The following ALDH1A2 variants were observed in gnomAD, a reference collection of about 807,000 sequenced individuals.
ALDH1A2 encodes the protein retinal dehydrogenase 2.
ALDH1A2 carries 27 observed loss-of-function variants against 60.3 expected under a neutral mutation model. The ratio of observed to expected loss-of-function variants is 0.45; its 90% CI spans 0.33 to 0.62. ALDH1A2 has a LOEUF of 0.62. ALDH1A2 is among the 20% of genes least tolerant of loss of function. ALDH1A2 has a pLI of 0.02. For missense variants in ALDH1A2, 581 were observed against 643.8 expected (o/e 0.90, Z 1.06); for synonymous variants, 289 against 232.4 (o/e 1.24, Z -2.21).
chr15:57,999,962 AC>A (rs1180999411), intron 4 of ALDH1A2, among the ~76,000 whole-genome samples: 3 of 152,048 alleles, frequency 2.0e-5, no homozygotes, highest in African/African-American at 7.2e-5. Flanking sequence ...TAACACAGGA[AC>A]AGAAAACCGA....
intron 1 of ALDH1A2, among the ~76,000 whole-genome samples, chr15:58,019,524 G>C (rs1895868642): frequency 6.6e-6 from 1 of 152,158 alleles, no homozygotes; most frequent in Non-Finnish European, 1.5e-5. Flanking sequence ...TCTTCATTTG[G>C]AAAATATAGA....
Position 57,980,972 on chromosome 15 carries a change from G to T in ALDH1A2, c.798+11733C>A, listed in dbSNP as rs533217160. ...TATTGCCTCAATTTCAGAGCCTATT[G>T]TTGGTCTGTTCAGGGATTCAACTTC... is the stretch of plus-strand genomic sequence containing the variant. On this transcript the variant is annotated intron_variant, in intron 7 of 12. Coordinates refer to ENST00000249750, the MANE Select transcript of ALDH1A2 (RefSeq NM_003888.4). Among the ~76,000 whole-genome samples, 22 of 152,230 alleles carry T rather than the reference G, an allele frequency of 1.4e-4. No homozygotes were observed. The South Asian group carries it at 4.6e-3, about 32-fold the overall frequency.
intron 4 of ALDH1A2, among the ~76,000 whole-genome samples, chr15:58,005,001 A>G (rs764015921): frequency 1.3e-5 from 2 of 151,808 alleles, no homozygotes; most frequent in Non-Finnish European, 1.5e-5. Context: ...TGTAATTTTG[A>G]TCAAGGCACT....
At chr15:58,013,745 C>A in intron 3 of ALDH1A2, 113 bp downstream of exon 3, 2 of 1,398,320 alleles carry the variant, frequency 1.4e-6, no homozygotes, top group Non-Finnish European at 1.9e-6. Flanking sequence ...GAGCTAGACT[C>A]CGTCTCAAAA....
At chr15:58,034,182 T>C (rs1204691507) in intron 1 of ALDH1A2, among the ~76,000 whole-genome samples, 1 of 151,696 alleles carries the variant, frequency 6.6e-6, no homozygotes, top group Non-Finnish European at 1.5e-5. Context: ...GTTTCCCTTA[T>C]AAATGTACAT....
chr15:57,955,889 CCCTTA>C (rs1474533131), intron 12 of ALDH1A2, among the ~76,000 whole-genome samples: 9 of 152,144 alleles, frequency 5.9e-5, no homozygotes, highest in South Asian at 2.1e-4. Context: ...GCCTTTTTTC[CCCTTA>C]TCTAATCTAT....
intron 1 of ALDH1A2, among the ~76,000 whole-genome samples, chr15:58,045,218 G>A (rs771441911): frequency 6.6e-6 from 1 of 151,964 alleles, no homozygotes; most frequent in African/African-American, 2.4e-5. Flanking sequence ...CAGTTAGAAC[G>A]GCAATCATTA....
At chr15:57,971,428 T>G (rs563324359) in intron 7 of ALDH1A2, among the ~76,000 whole-genome samples, 2 of 152,264 alleles carry the variant, frequency 1.3e-5, no homozygotes, top group Admixed American at 1.3e-4. Flanking sequence ...AAAATATGCA[T>G]ATGTACACAG....
At chr15:58,058,699 A>C (rs1203374917) in intron 1 of ALDH1A2, among the ~76,000 whole-genome samples, 2 of 152,202 alleles carry the variant, frequency 1.3e-5, no homozygotes, top group African/African-American at 4.8e-5. Flanking sequence ...CTCTTTCCAC[A>C]GTTGTAGTGA....
rs766986593 is a variant in ALDH1A2 at position 57,961,105 on chromosome 15, G to A, written c.1409+32C>T. 3.8e-5 allele frequency: 62 copies of A among 1,612,284 alleles called. No homozygotes were observed. In the Admixed American group the frequency reaches 6.2e-4, roughly 16 times the overall value. On this transcript the variant is annotated intron_variant, in intron 11 of 12. Transcript: ENST00000249750. ...TCACCCTGGTCCCTATACCACCAGT[G>A]GAATTTGTTACAAGACTGACTCTGA... is the stretch of plus-strand genomic sequence containing the variant.
At chr15:58,015,572 C>A (rs2140520719) in intron 1 of ALDH1A2, among the ~76,000 whole-genome samples, 1 of 152,322 alleles carries the variant, frequency 6.6e-6, no homozygotes, top group African/African-American at 2.4e-5. Flanking sequence ...AATAAATACT[C>A]AGATAACTTC....
At chr15:58,002,884 C>T (rs1747505750) in intron 4 of ALDH1A2, among the ~76,000 whole-genome samples, 1 of 151,760 alleles carries the variant, frequency 6.6e-6, no homozygotes, top group South Asian at 2.1e-4. Context: ...GTAGCAGATT[C>T]CCATCATGTT....
intron 1 of ALDH1A2, among the ~76,000 whole-genome samples, chr15:58,031,588 T>G (rs1259085227): frequency 3.3e-5 from 5 of 152,038 alleles, no homozygotes; most frequent in Admixed American, 1.3e-4. Flanking sequence ...ACCTACAGAA[T>G]GGGAGAAAAT....
At chr15:58,045,936 T>C (rs1405467047) in intron 1 of ALDH1A2, among the ~76,000 whole-genome samples, 1 of 152,020 alleles carries the variant, frequency 6.6e-6, no homozygotes. Flanking sequence ...ACTCCACACA[T>C]GCATTTGAAA....
At chr15:58,030,634 G>C (rs147429487) in intron 1 of ALDH1A2, among the ~76,000 whole-genome samples, 2 of 152,042 alleles carry the variant, frequency 1.3e-5, no homozygotes, top group Non-Finnish European at 2.9e-5. Flanking sequence ...TGTATATTTC[G>C]AAAACCCCAT....
At chr15:58,062,422 G>A (rs566424961) in intron 1 of ALDH1A2, among the ~76,000 whole-genome samples, 8 of 152,302 alleles carry the variant, frequency 5.3e-5, no homozygotes, top group Admixed American at 1.3e-4. Flanking sequence ...TCTGTTAAGA[G>A]ATATCCCCTG....
chr15:58,050,636 G>A (rs1419656198), intron 1 of ALDH1A2, among the ~76,000 whole-genome samples: 1 of 152,110 alleles, frequency 6.6e-6, no homozygotes, highest in Non-Finnish European at 1.5e-5. Flanking sequence ...CACAGGCAAA[G>A]TACTTCATCA....
chr15:58,008,716 A>G (rs919115683), intron 4 of ALDH1A2, among the ~76,000 whole-genome samples: 3 of 152,110 alleles, frequency 2.0e-5, no homozygotes, highest in African/African-American at 7.2e-5. Flanking sequence ...AGTGGGGACC[A>G]AAAAAACCAA....
At chr15:58,043,944 G>C (rs1405792833) in intron 1 of ALDH1A2, among the ~76,000 whole-genome samples, 3 of 151,970 alleles carry the variant, frequency 2.0e-5, no homozygotes, top group Non-Finnish European at 4.4e-5. Flanking sequence ...CCAAGTGTTA[G>C]ATAAATAAAC....
Sources: gnomAD v4.1 joint callset for allele counts (sites outside exome capture counted in the v4.1 genomes callset) on GRCh38, gnomAD v4.1.1 for gene constraint, MANE v1.5 for transcripts, NCBI Gene and HGNC (gene_info 2026-07-23, HGNC 2026-07-21) for gene names.